Variants in AP2A2 observed in about 807,000 individuals in gnomAD.
AP2A2 encodes the protein adaptor related protein complex 2 subunit alpha 2.
In AP2A2, 32 loss-of-function variants were observed where a neutral mutation model predicts 104.2. That is an observed-to-expected ratio of 0.31 (90% CI 0.23 to 0.41). The LOEUF (loss-of-function observed/expected upper bound fraction) is 0.41, where lower values mean the gene tolerates loss of function less well. Among genes scored for constraint, AP2A2 ranks in the 10% least tolerant of loss-of-function variants. The probability of loss-of-function intolerance (pLI) is 1.00; values close to 1 mark genes in which losing one functional copy is unlikely to be tolerated. For missense variants in AP2A2, 912 were observed against 1,261.0 expected (o/e 0.72, Z 4.19); for synonymous variants, 539 against 533.3 (o/e 1.01, Z -0.15).
intron 14 of AP2A2, among the ~76,000 whole-genome samples, chr11:997,068 T>C (rs1435890987): frequency 6.6e-6 from 1 of 152,156 alleles, no homozygotes; most frequent in African/African-American, 2.4e-5. Context: ...GTTTTCTTGC[T>C]CAGGGTCTTC....
rs373157959 is a variant in AP2A2 at position 1,006,565 on chromosome 11, G to A, written c.2244G>A (p.Thr748=). The A allele has an allele frequency of 1.8e-4, 286 of 1,613,642 alleles. No homozygotes were observed. In the African/African-American group the frequency reaches 2.7e-3, roughly 15 times the overall value. ...MFIFYGNKTS[T]QFLNFTPTLI... is the part of the protein sequence containing the mutation. ...TCTTTTATGGTAATAAGACCTCCAC[G>A]CAGTTCCTAAACTTTACCCCAACAC... Residue 748 remains threonine (T), a synonymous_variant, in exon 17 of 22, where the codon ACG becomes ACA. Transcript: ENST00000448903.
At chr11:935,944 C>T (rs1450658326) in intron 1 of AP2A2, among the ~76,000 whole-genome samples, 2 of 149,696 alleles carry the variant, frequency 1.3e-5, no homozygotes, top group Non-Finnish European at 3.0e-5. Flanking sequence ...CTCTGTCTCC[C>T]AGGTTGGAGT....
At chr11:983,043 C>T (rs747541789) in intron 6 of AP2A2, among the ~76,000 whole-genome samples, 59 of 92,160 alleles carry the variant, frequency 6.4e-4, no homozygotes, top group Non-Finnish European at 9.7e-4. Context: ...TTTTTTGAGT[C>T]GGAGTCGCAC....
intron 9 of AP2A2, among the ~76,000 whole-genome samples, chr11:987,873 C>G (rs1381890828): frequency 6.6e-6 from 1 of 152,266 alleles, no homozygotes; most frequent in Non-Finnish European, 1.5e-5. Flanking sequence ...GGCAGGGCTG[C>G]TCCCAGTCCC....
intron 2 of AP2A2, among the ~76,000 whole-genome samples, chr11:963,793 T>G (rs954449100): frequency 3.9e-5 from 6 of 152,274 alleles, no homozygotes; most frequent in Admixed American, 2.6e-4. Flanking sequence ...TGGCTAACAT[T>G]TAAAAAAAGT....
chr11:983,587 G>A (rs928449488), intron 6 of AP2A2, among the ~76,000 whole-genome samples: 27 of 151,942 alleles, frequency 1.8e-4, no homozygotes, highest in Non-Finnish European at 2.4e-4. Context: ...GTTTCACTGT[G>A]TTAGCCAGGA....
chr11:936,544 T>G (rs1853464653), intron 1 of AP2A2, among the ~76,000 whole-genome samples: 1 of 152,100 alleles, frequency 6.6e-6, no homozygotes. Flanking sequence ...CAGCCACACC[T>G]GGCTAATTTT....
intron 6 of AP2A2, among the ~76,000 whole-genome samples, chr11:981,796 A>G (rs1375224106): frequency 6.6e-6 from 1 of 152,250 alleles, no homozygotes; most frequent in African/African-American, 2.4e-5. Context: ...TTGAACACTT[A>G]GCTCCTTGCC....
intron 14 of AP2A2, among the ~76,000 whole-genome samples, chr11:998,643 TAGTC>T (rs371342081): frequency 4.6e-4 from 70 of 152,274 alleles, no homozygotes; most frequent in Admixed American, 3.2e-3. Flanking sequence ...ATCCTTGTGA[TAGTC>T]AGAGCCCTCC....
chr11:985,284 G>T, intron 7 of AP2A2, 151 bp from the exon 8 acceptor site: 1 of 1,070,990 alleles, frequency 9.3e-7, no homozygotes, highest in Non-Finnish European at 1.3e-6. Flanking sequence ...TGCCCGGCCT[G>T]TCTCAGTTTT....
At chr11:937,706 A>G (rs1853504715) in intron 1 of AP2A2, among the ~76,000 whole-genome samples, 2 of 152,216 alleles carry the variant, frequency 1.3e-5, no homozygotes, top group African/African-American at 4.8e-5. Context: ...TAATTTATTG[A>G]ATACTGTATG....
chr11:997,947 G>A (rs372621356), intron 14 of AP2A2, among the ~76,000 whole-genome samples: 2 of 152,218 alleles, frequency 1.3e-5, no homozygotes, highest in Non-Finnish European at 2.9e-5. Context: ...AGATGTATTT[G>A]AATCAGTGCA....
intron 10 of AP2A2, among the ~76,000 whole-genome samples, chr11:990,784 G>A (rs1193704442): frequency 9.0e-5 from 5 of 55,842 alleles, no homozygotes; most frequent in South Asian, 6.7e-4. Context: ...CCCCCACCCC[G>A]TCCTTTCATC....
intron 8 of AP2A2, 97 bp downstream of exon 8, chr11:985,679 C>A: frequency 6.6e-7 from 1 of 1,511,384 alleles, no homozygotes; most frequent in Admixed American, 2.0e-5. Flanking sequence ...GGTTTGTCCA[C>A]TCCATGGGCC....
chr11:1,006,451 G>T (rs1390561615), intron 16 of AP2A2, 77 bp from the exon 17 acceptor site: 8 of 981,806 alleles, frequency 8.1e-6, no homozygotes, highest in Admixed American at 2.0e-5. Context: ...ATTGTGGGGG[G>T]CTCTTGTTTT....
chr11:960,141 T>A (rs1340391342), intron 2 of AP2A2, among the ~76,000 whole-genome samples: 1 of 151,822 alleles, frequency 6.6e-6, no homozygotes, highest in African/African-American at 2.4e-5. Flanking sequence ...CTGACCCCTG[T>A]GGAACTGGAG....
intron 14 of AP2A2, among the ~76,000 whole-genome samples, chr11:998,917 C>G (rs1182178404): frequency 6.6e-6 from 1 of 152,258 alleles, no homozygotes; most frequent in South Asian, 2.1e-4. Flanking sequence ...TGGTCTCAAT[C>G]TTCTGACCTT....
intron 1 of AP2A2, among the ~76,000 whole-genome samples, chr11:945,197 C>T (rs543987227): frequency 6.6e-6 from 1 of 152,134 alleles, no homozygotes; most frequent in African/African-American, 2.4e-5. Flanking sequence ...GAGGGTGACT[C>T]CTAGCGTGGG....
At chr11:979,723 C>T (rs776243972) in intron 5 of AP2A2, among the ~76,000 whole-genome samples, 16 of 152,256 alleles carry the variant, frequency 1.1e-4, no homozygotes, top group South Asian at 6.2e-4. Flanking sequence ...AGTGCCACCA[C>T]GCCTGGATAA....
Sources: allele counts gnomAD v4.1 joint callset (sites outside exome capture counted in the v4.1 genomes callset), GRCh38; gene constraint gnomAD v4.1.1; transcripts MANE v1.5; gene names NCBI Gene and HGNC (gene_info 2026-07-23, HGNC 2026-07-21).